LRRIQ3: variants seen among roughly 807,000 people sequenced by gnomAD.
The protein encoded by LRRIQ3 is leucine rich repeats and IQ motif containing 3.
A neutral mutation model predicts 59.3 loss-of-function variants in LRRIQ3; 75 were observed. The observed-to-expected ratio is 1.26, with a 90% confidence interval of 1.05 to 1.53. The LOEUF (loss-of-function observed/expected upper bound fraction) is 1.53, where lower values mean the gene tolerates loss of function less well. Among genes scored for constraint, LRRIQ3 ranks in the 40% most tolerant of loss-of-function variants. The pLI is 0.00. For synonymous variants in LRRIQ3, 250 were observed against 231.3 expected, an observed-to-expected ratio of 1.08 and a Z score of -0.73; for missense variants, 831 against 710.0, an observed-to-expected ratio of 1.17 and a Z score of -1.94.
intron 4 of LRRIQ3, among the ~76,000 whole-genome samples, chr1:74,112,962 A>G (rs752775884): frequency 5.3e-5 from 8 of 152,134 alleles, no homozygotes; most frequent in Non-Finnish European, 1.2e-4. Flanking sequence ...GGCAGACAAC[A>G]GAAACCAACA....
In LRRIQ3 at chr1:74,050,567, A is replaced by G. The variant is rs17094789; in HGVS notation, c.998-8634T>C. 3,415 of 985,378 alleles carry G rather than the reference A, an allele frequency of 3.5e-3. 82 individuals carry two copies. In the African/African-American group the frequency reaches 0.055, roughly 16 times the overall value. The allele number at this position is 985,378 out of a possible 1,614,324, so 61.0% of individuals were successfully genotyped here. ...TTCTGAACGTATTGCAGATTTATGA[A>G]CCATCTGTGAAGAAACAAATGGTCC... On this transcript the variant is annotated intron_variant, in intron 6 of 7. Transcript: ENST00000354431.
intron 3 of LRRIQ3, among the ~76,000 whole-genome samples, chr1:74,174,894 T>G (rs1649545138): frequency 6.6e-6 from 1 of 152,222 alleles, no homozygotes; most frequent in South Asian, 2.1e-4. Flanking sequence ...TCTTTAGGTT[T>G]GGTTGCTAGA....
intron 7 of LRRIQ3, among the ~76,000 whole-genome samples, chr1:74,029,327 T>G (rs542563761): frequency 6.6e-6 from 1 of 152,298 alleles, no homozygotes; most frequent in African/African-American, 2.4e-5. Context: ...TTTTTGCCCA[T>G]TCAGTATGAC....
chr1:74,192,479 T>C (rs1650829155), intron 1 of LRRIQ3, among the ~76,000 whole-genome samples: 1 of 152,112 alleles, frequency 6.6e-6, no homozygotes. Flanking sequence ...AGTTCCTCTT[T>C]ACTGATTTTT....
chr1:74,179,904 C>T (rs1027583280), intron 3 of LRRIQ3: 2 of 151,872 alleles, frequency 1.3e-5, no homozygotes, highest in African/African-American at 4.8e-5. Context: ...CATTTTCAGT[C>T]TCTTTCTCTT....
chr1:74,181,542 G>A (rs1649976489), intron 3 of LRRIQ3: 2 of 151,754 alleles, frequency 1.3e-5, no homozygotes, highest in South Asian at 2.1e-4. Flanking sequence ...GGTCATGCCT[G>A]TTGCCACCTT....
intron 6 of LRRIQ3, among the ~76,000 whole-genome samples, chr1:74,058,457 T>G (rs1278138099): frequency 6.6e-6 from 1 of 151,802 alleles, no homozygotes. Flanking sequence ...TTAAGTGATA[T>G]AAGCCAGGTA....
intron 3 of LRRIQ3, among the ~76,000 whole-genome samples, chr1:74,160,900 T>C (rs1256840341): frequency 6.6e-6 from 1 of 152,114 alleles, no homozygotes. Context: ...CTCTAGTTCC[T>C]GTGATTTTAT....
chr1:74,179,317 T>C (rs911364772), intron 3 of LRRIQ3, among the ~76,000 whole-genome samples: 5 of 152,046 alleles, frequency 3.3e-5, no homozygotes, highest in African/African-American at 1.2e-4. Flanking sequence ...AATCATTTTA[T>C]GTCACAATTA....
chr1:74,039,425 C>G (rs951741646), intron 7 of LRRIQ3, among the ~76,000 whole-genome samples: 10 of 152,096 alleles, frequency 6.6e-5, no homozygotes, highest in African/African-American at 2.4e-4. Flanking sequence ...TCTAGAAGAA[C>G]TTCCCAAACC....
intron 6 of LRRIQ3, among the ~76,000 whole-genome samples, chr1:74,072,034 A>G (rs796312074): frequency 4.9e-4 from 75 of 152,258 alleles, no homozygotes; most frequent in African/African-American, 1.6e-3. Flanking sequence ...ATAGAATAAC[A>G]TGTTATTTTC....
At chr1:74,154,893 A>C (rs940912956) in intron 4 of LRRIQ3, among the ~76,000 whole-genome samples, 1 of 152,164 alleles carries the variant, frequency 6.6e-6, no homozygotes, top group Admixed American at 6.5e-5. Flanking sequence ...CACTGTATTT[A>C]TGGTCAGTTT....
At chr1:74,145,355 T>A (rs1475772722) in intron 4 of LRRIQ3, among the ~76,000 whole-genome samples, 2 of 152,154 alleles carry the variant, frequency 1.3e-5, no homozygotes, top group Non-Finnish European at 2.9e-5. Flanking sequence ...TGGAGTTGGC[T>A]CTGCCATGCT....
intron 7 of LRRIQ3, among the ~76,000 whole-genome samples, chr1:74,034,910 C>T (rs1294040530): frequency 6.6e-6 from 1 of 151,740 alleles, no homozygotes; most frequent in African/African-American, 2.4e-5. Context: ...TCTATACAAG[C>T]CTTAAATATG....
At chr1:74,115,840 C>A (rs1474574974) in intron 4 of LRRIQ3, among the ~76,000 whole-genome samples, 1 of 151,908 alleles carries the variant, frequency 6.6e-6, no homozygotes, top group Non-Finnish European at 1.5e-5. Flanking sequence ...AATCTGAACC[C>A]TCCCACCAAA....
intron 3 of LRRIQ3, among the ~76,000 whole-genome samples, chr1:74,159,420 A>G (rs1341140237): frequency 6.6e-6 from 1 of 152,120 alleles, no homozygotes; most frequent in Non-Finnish European, 1.5e-5. Flanking sequence ...CTGTTAAAAT[A>G]CTAAGTAATC....
At chr1:74,177,109 G>A (rs765137458) in intron 3 of LRRIQ3, among the ~76,000 whole-genome samples, 6 of 152,026 alleles carry the variant, frequency 3.9e-5, no homozygotes, top group African/African-American at 9.7e-5. Flanking sequence ...TTTTTAATAT[G>A]TATTTTTTTG....
At chr1:74,131,515 A>C (rs1204984306) in intron 4 of LRRIQ3, among the ~76,000 whole-genome samples, 1 of 152,186 alleles carries the variant, frequency 6.6e-6, no homozygotes, top group Non-Finnish European at 1.5e-5. Context: ...CACATCAAAA[A>C]GCTTATCCAC....
chr1:74,185,714 C>T (rs370918924), intron 1 of LRRIQ3, among the ~76,000 whole-genome samples: 12 of 152,012 alleles, frequency 7.9e-5, no homozygotes, highest in South Asian at 6.2e-4. Flanking sequence ...GAGGCTGAGG[C>T]GGGCGGATTA....
Sources: gnomAD v4.1 joint callset for allele counts (sites outside exome capture counted in the v4.1 genomes callset) on GRCh38, gnomAD v4.1.1 for gene constraint, MANE v1.5 for transcripts, NCBI Gene and HGNC (gene_info 2026-07-23, HGNC 2026-07-21) for gene names.